The following ADAP1 variants were observed in gnomAD, a reference collection of about 807,000 sequenced individuals.
The protein encoded by ADAP1 is arf-GAP with dual PH domain-containing protein 1.
A neutral mutation model predicts 54.9 loss-of-function variants in ADAP1; 31 were observed. The observed-to-expected ratio is 0.56, with a 90% CI of 0.42 to 0.76. The LOEUF is 0.76. ADAP1 is among the 30% of genes least tolerant of loss of function. The pLI is 0.00. For missense variants in ADAP1, 535 were observed against 512.4 expected (o/e 1.04, Z -0.42); for synonymous variants, 313 against 202.6 (o/e 1.55, Z -4.63).
chr7:935,070 T>G, intron 2 of ADAP1: 18 of 524,842 alleles, frequency 3.4e-5, no homozygotes, highest in Non-Finnish European at 5.6e-5. Flanking sequence ...GGTGTGGGGA[T>G]TTGAGGGGAG....
At chr7:947,672 C>G (rs1194151036) in intron 1 of ADAP1, among the ~76,000 whole-genome samples, 1 of 152,136 alleles carries the variant, frequency 6.6e-6, no homozygotes, top group Non-Finnish European at 1.5e-5. Context: ...CACTCACGCC[C>G]CGCCCTAGGC....
At chr7:904,337 G>T in intron 5 of ADAP1, 65 bp from the exon 6 acceptor site, 1 of 1,513,076 alleles carries the variant, frequency 6.6e-7, no homozygotes, top group Non-Finnish European at 8.9e-7. Context: ...GAGCAGGAAG[G>T]GCAGACCCTG....
rs148707541 is a variant in ADAP1, at chr7:946,754, T to C, written c.82+7642A>G. Among the ~76,000 whole-genome samples the C allele has an allele frequency of 0.013, 1,936 of 152,372 alleles. 24 individuals are homozygous for C. Among genetic ancestry groups the C allele is most frequent in the Non-Finnish European group, 0.021 (1,412 of 68,034 alleles). The stretch of plus-strand genomic sequence containing the variant: ...TCTGCGGCCCATCTGGTCTCTCGGC[T>C]GTCAAACCCTATTTTTGGAACTCGA... On this transcript the variant is annotated intron_variant, in intron 1 of 10. Transcript: ENST00000265846. The surrounding 1 kb of genome is among the most constrained non-coding windows in gnomAD (Gnocchi z 4.3).
Position 945,486 on chromosome 7 carries a change from A to G in ADAP1, c.82+8910T>C, listed in dbSNP as rs1431702983. On this transcript the variant is annotated intron_variant, in intron 1 of 10. Coordinates refer to ENST00000265846, the MANE Select transcript of ADAP1 (RefSeq NM_006869.4). This position sits in a 1 kb window ranked among gnomAD's most constrained non-coding sequence, Gnocchi z 4.2. ...TCCCAGGACTGTGGAATTTTGTTCC[A>G]AAATGCCTGGAGTCAGCACCCACGG... is the stretch of plus-strand genomic sequence containing the variant. Among the ~76,000 whole-genome samples, 1 of 152,234 alleles carries G rather than the reference A, an allele frequency of 6.6e-6. No homozygotes were observed.
chr7:919,652 CAG>C (rs574362508), intron 4 of ADAP1, among the ~76,000 whole-genome samples: 47 of 110,974 alleles, frequency 4.2e-4, no homozygotes, highest in Middle Eastern at 4.9e-3. Flanking sequence ...AACAGAGACA[CAG>C]AGAGATAAAG....
Position 905,253 on chromosome 7 carries a change from G to GGGACATGGGGAGA in ADAP1, c.389-94_389-82dup, listed in dbSNP as rs1199623703. On this transcript the variant is annotated intron_variant, in intron 4 of 10. Transcript: ENST00000265846. ...AGGAGTGACGATGGACAGGACAGAG[G>GGGACATGGGGAGA]GGACATGGGGAGAAGACACGGGGGA... The GGGACATGGGGAGA allele has an allele frequency of 5.2e-6, 5 of 966,724 alleles. No homozygotes were observed. In the East Asian group the frequency reaches 1.5e-4, roughly 29 times the overall value. 59.9% of individuals were successfully genotyped at this position (966,724 alleles called of 1,614,324 possible). A position where few individuals can be genotyped will look rare whatever the true frequency, so the allele number is the denominator to read the frequency against.
At chr7:901,551 C>G (rs1321809465) in intron 6 of ADAP1, among the ~76,000 whole-genome samples, 1 of 152,206 alleles carries the variant, frequency 6.6e-6, no homozygotes, top group Non-Finnish European at 1.5e-5. Flanking sequence ...CGGCCCAGCA[C>G]CAGCTGGAGG....
intron 6 of ADAP1, chr7:901,106 CAG>C: frequency 6.6e-6 from 3 of 457,910 alleles, no homozygotes; most frequent in South Asian, 4.7e-5. Flanking sequence ...CGAGAGTGGG[CAG>C]AGAGCAAAAC....
intron 3 of ADAP1, chr7:922,872 A>AT (rs1238681783): frequency 2.9e-4 from 1 of 3,448 alleles, no homozygotes; most frequent in African/African-American, 1.3e-3. Flanking sequence ...CCCCGCCCCC[A>AT]TTGTCTATCC....
chr7:915,350 G>A (rs962962944), intron 4 of ADAP1, among the ~76,000 whole-genome samples: 4 of 152,200 alleles, frequency 2.6e-5, no homozygotes, highest in African/African-American at 9.6e-5. Context: ...CCCATCCAGG[G>A]GAGAGAACAG....
chr7:904,943 C>CGGG lies in ADAP1; in HGVS notation c.501+114_501+116dup, dbSNP rs151134913. The CGGG allele has an allele frequency of 9.4e-6, 8 of 853,992 alleles. No individual in the cohort carries two copies. In the African/African-American group the frequency reaches 1.2e-4, roughly 13 times the overall value. 52.9% of individuals were successfully genotyped at this position (853,992 alleles called of 1,614,324 possible). ...GCCGGTTCTCCTGGAGCGTCCCCAT[C>CGGG]GGGGGGGGCAGCAGGGAGGGCAGCT... On this transcript the variant is annotated intron_variant, in intron 5 of 10. Coordinates refer to ENST00000265846, the MANE Select transcript of ADAP1 (RefSeq NM_006869.4).
chr7:907,930 T>G (rs1055142591), intron 4 of ADAP1, among the ~76,000 whole-genome samples: 2 of 151,220 alleles, frequency 1.3e-5, no homozygotes, highest in Non-Finnish European at 3.0e-5. Context: ...CGAGCATCCG[T>G]GGCCCCTCCA....
At chr7:911,329 T>C (rs1330479244) in intron 4 of ADAP1, among the ~76,000 whole-genome samples, 3 of 151,848 alleles carry the variant, frequency 2.0e-5, no homozygotes, top group East Asian at 1.9e-4. Flanking sequence ...GGGTTCACAG[T>C]TTCCACAGCG....
chr7:939,995 T>G (rs1368640136), intron 1 of ADAP1, among the ~76,000 whole-genome samples: 1 of 152,158 alleles, frequency 6.6e-6, no homozygotes, highest in Admixed American at 6.5e-5. Flanking sequence ...AAGGAGTGGT[T>G]ACAACCTGTC....
chr7:900,383 G>A lies in ADAP1; in HGVS notation c.732+150C>T, dbSNP rs1031611573. 4 of 968,408 alleles carry A rather than the reference G, an allele frequency of 4.1e-6. No homozygotes were observed. The East Asian group carries it at 7.9e-5, about 19-fold the overall frequency. The allele number at this position is 968,408 out of a possible 1,614,324, so 60.0% of individuals were successfully genotyped here. On this transcript the variant is annotated intron_variant, in intron 7 of 10. Coordinates refer to ENST00000265846, the MANE Select transcript of ADAP1 (RefSeq NM_006869.4). ...CTGAAGTTCTAGAGTGAGGCAGGAG[G>A]GCTGCAGGCACGTCAGGGTGAGCCC...
rs534252022 is a variant in ADAP1, at chr7:935,112, C to T, written c.213+263G>A. The T allele has an allele frequency of 1.7e-4, 106 of 607,402 alleles. No homozygotes were observed. The African/African-American group carries it at 1.9e-3, about 11-fold the overall frequency. The allele number at this position is 607,402 out of a possible 1,614,324, so 37.6% of individuals were successfully genotyped here. The stretch of plus-strand genomic sequence containing the variant: ...GGAGCTCCCAGGGCACGGGAATCGG[C>T]GACCCGCCTTCGCTCCCTGGCCCAC... On this transcript the variant is annotated intron_variant, in intron 2 of 10. Transcript: ENST00000265846.
chr7:925,896 G>A (rs1583168984), intron 3 of ADAP1, among the ~76,000 whole-genome samples: 1 of 152,288 alleles, frequency 6.6e-6, no homozygotes, highest in East Asian at 1.9e-4. Flanking sequence ...AGCATGGGGG[G>A]CCGGGAGGGC....
chr7:905,313 G>T lies in ADAP1; in HGVS notation c.389-141C>A. 2 of 449,030 alleles carry T rather than the reference G, an allele frequency of 4.5e-6. 1 individual carries two copies. Among genetic ancestry groups the T allele is most frequent in the South Asian group, 4.1e-5 (2 of 48,720 alleles). The allele number at this position is 449,030 out of a possible 1,614,324, so 27.8% of individuals were successfully genotyped here. A position where few individuals can be genotyped will look rare whatever the true frequency, so the allele number is the denominator to read the frequency against. On this transcript the variant is annotated intron_variant, in intron 4 of 10. Coordinates refer to ENST00000265846, the MANE Select transcript of ADAP1 (RefSeq NM_006869.4). ...GGGACACGGACAGGGGGAGACGGAC[G>T]GGGAGAGGGGACATGGAGGAGACAG...
At chr7:928,379 G>C (rs1459151268) in intron 2 of ADAP1, among the ~76,000 whole-genome samples, 1 of 152,076 alleles carries the variant, frequency 6.6e-6, no homozygotes, top group Non-Finnish European at 1.5e-5. Context: ...AAAAAGGAAG[G>C]TAAAAATAAA....
Sources: allele counts gnomAD v4.1 joint callset (sites outside exome capture counted in the v4.1 genomes callset), GRCh38; gene constraint gnomAD v4.1.1; non-coding constraint Gnocchi (gnomAD v3.1); transcripts MANE v1.5; gene names NCBI Gene and HGNC (gene_info 2026-07-23, HGNC 2026-07-21).